Variants in SNX13 observed in about 807,000 individuals in gnomAD.
SNX13 encodes the protein sorting nexin-13.
In SNX13, 45 loss-of-function variants were observed where a neutral mutation model predicts 133.6. That is an observed-to-expected ratio of 0.34 (90% CI 0.27 to 0.43). The LOEUF is 0.43. Ranked by LOEUF, SNX13 falls within the 20% of genes least tolerant of loss-of-function variation. SNX13 has a pLI of 1.00. For synonymous variants in SNX13, 414 were observed against 373.9 expected (o/e 1.11, Z -1.24); for missense variants, 1,032 against 1,145.1 (o/e 0.90, Z 1.43).
chr7:17,810,638 C>G (rs902012992), intron 20 of SNX13, among the ~76,000 whole-genome samples: 3 of 152,184 alleles, frequency 2.0e-5, no homozygotes, highest in African/African-American at 4.8e-5. Context: ...GGAGTCCTTC[C>G]TAACTCATTT....
chr7:17,890,284 C>G, intron 5 of SNX13, 79 bp downstream of exon 5: 1 of 1,328,956 alleles, frequency 7.5e-7, no homozygotes, highest in Non-Finnish European at 1.0e-6. Context: ...AACAATTCCT[C>G]CCCTTAAAAG....
At position 17,792,263 on chromosome 7, in the gene SNX13, G is replaced by GGA. The variant is rs1481370112; in HGVS notation, c.*1780_*1781dup. 1 of 151,882 alleles carries GGA rather than the reference G, an allele frequency of 6.6e-6. No homozygotes were observed. The highest frequency in any genetic ancestry group is 2.4e-5 in the African/African-American group (1 of 41,370). 9.4% of individuals were successfully genotyped at this position (151,882 alleles called of 1,614,324 possible). ...TTCACTTTTAAAGCCTGGGGCTCAGGGAGGGGCCAAGGCAGGGAGACACCC... is the reference window on the plus strand; with the variant it reads ...TTCACTTTTAAAGCCTGGGGCTCAGGGAGAGGGGCCAAGGCAGGGAGACACCC... On this transcript the variant is annotated 3_prime_UTR_variant, in exon 26 of 26. Coordinates refer to ENST00000428135, the MANE Select transcript of SNX13 (RefSeq NM_015132.5).
chr7:17,800,885 TAAAA>T (rs947077512), intron 22 of SNX13, among the ~76,000 whole-genome samples: 1 of 150,588 alleles, frequency 6.6e-6, no homozygotes, highest in Non-Finnish European at 1.5e-5. Flanking sequence ...TGGCTAAAAT[TAAAA>T]AAACAAAATA....
chr7:17,847,456 C>T (rs1296072955), intron 11 of SNX13, among the ~76,000 whole-genome samples: 2 of 152,066 alleles, frequency 1.3e-5, no homozygotes, highest in Admixed American at 6.5e-5. Context: ...CTCAGTCTCC[C>T]GAGTAGCTCG....
intron 1 of SNX13, among the ~76,000 whole-genome samples, chr7:17,922,231 T>C (rs1800203612): frequency 6.6e-6 from 1 of 152,222 alleles, no homozygotes; most frequent in Non-Finnish European, 1.5e-5. Flanking sequence ...TAGTTGCGGC[T>C]AGCCAGGGAG....
chr7:17,888,393 C>A, intron 5 of SNX13: 2 of 211,556 alleles, frequency 9.5e-6, no homozygotes, highest in Non-Finnish European at 1.9e-5. Context: ...AGAAAGGTGA[C>A]TAGGGGATCA....
intron 5 of SNX13, among the ~76,000 whole-genome samples, chr7:17,876,351 C>G (rs1435005077): frequency 6.6e-6 from 1 of 152,152 alleles, no homozygotes; most frequent in East Asian, 1.9e-4. Context: ...GAGGCTGAGG[C>G]AGGAGGATCA....
intron 15 of SNX13, chr7:17,830,935 A>G: frequency 1.0e-6 from 1 of 984,408 alleles, no homozygotes. Context: ...AATTTACTCT[A>G]AATGCTCAAG....
chr7:17,910,182 T>C (rs1798812793), intron 1 of SNX13, among the ~76,000 whole-genome samples: 1 of 152,174 alleles, frequency 6.6e-6, no homozygotes, highest in Non-Finnish European at 1.5e-5. Context: ...GTGCAATAAA[T>C]AGACTGATAT....
chr7:17,871,048 C>G (rs375954036), intron 8 of SNX13, among the ~76,000 whole-genome samples: 8 of 151,672 alleles, frequency 5.3e-5, no homozygotes, highest in African/African-American at 1.9e-4. Flanking sequence ...CTCTGTCGCC[C>G]AGGCTGGAGT....
chr7:17,877,262 T>C (rs139980285), intron 5 of SNX13, among the ~76,000 whole-genome samples: 2 of 152,134 alleles, frequency 1.3e-5, no homozygotes, highest in African/African-American at 2.4e-5. Context: ...TAACATTATT[T>C]AGAATATAAG....
At chr7:17,821,723 A>G (rs1787309606) in intron 17 of SNX13, 75 bp from the exon 18 acceptor site, 1 of 1,495,768 alleles carries the variant, frequency 6.7e-7, no homozygotes, top group Non-Finnish European at 9.0e-7. Flanking sequence ...AAAGACACAA[A>G]AAAGGAGGAA....
At chr7:17,814,738 AAC>A in intron 20 of SNX13, 94 bp downstream of exon 20, 1 of 1,066,826 alleles carries the variant, frequency 9.4e-7, no homozygotes, top group Non-Finnish European at 1.3e-6. Context: ...CTAGTTTTAA[AAC>A]ACACGTACAA....
chr7:17,912,575 T>A (rs1256436471), intron 1 of SNX13, among the ~76,000 whole-genome samples: 3 of 152,026 alleles, frequency 2.0e-5, no homozygotes, highest in African/African-American at 7.2e-5. Context: ...CACACCTGGC[T>A]AATTTCTGTA....
intron 18 of SNX13, among the ~76,000 whole-genome samples, chr7:17,820,280 A>AT (rs1335985818): frequency 6.6e-6 from 1 of 152,138 alleles, no homozygotes; most frequent in Non-Finnish European, 1.5e-5. Flanking sequence ...AACTCAAATT[A>AT]TTTTTTAAAT....
chr7:17,832,337 G>C, intron 15 of SNX13: 1 of 984,496 alleles, frequency 1.0e-6, no homozygotes, highest in Non-Finnish European at 1.2e-6. Flanking sequence ...AGGACTGGAA[G>C]CATTCTTAAG....
At chr7:17,828,155 T>G (rs536157514) in intron 16 of SNX13, among the ~76,000 whole-genome samples, 7 of 151,846 alleles carry the variant, frequency 4.6e-5, no homozygotes, top group African/African-American at 1.4e-4. Context: ...TTTCATTACA[T>G]ATGATGAAAA....
At chr7:17,854,105 T>C (rs1053312705) in intron 9 of SNX13, among the ~76,000 whole-genome samples, 4 of 152,038 alleles carry the variant, frequency 2.6e-5, no homozygotes, top group Admixed American at 1.3e-4. Context: ...AATGTATGAG[T>C]GTAAAAGATT....
chr7:17,852,094 A>G (rs114776764), intron 9 of SNX13, among the ~76,000 whole-genome samples: 2,298 of 152,334 alleles, frequency 0.015, 61 homozygotes, highest in African/African-American at 0.053. Context: ...AAAAAAGAAA[A>G]TGACGGCCAG....
Sources: allele counts gnomAD v4.1 joint callset (sites outside exome capture counted in the v4.1 genomes callset), GRCh38; gene constraint gnomAD v4.1.1; transcripts MANE v1.5; gene names NCBI Gene and HGNC (gene_info 2026-07-23, HGNC 2026-07-21).